The following ARHGAP10 variants were observed in gnomAD, a reference collection of about 807,000 sequenced individuals.
ARHGAP10 encodes Rho GTPase activating protein 10.
ARHGAP10 carries 87 observed loss-of-function variants against 108.6 expected under a neutral mutation model. That is an observed-to-expected ratio of 0.80 (90% confidence interval 0.67 to 0.96). ARHGAP10 has a LOEUF of 0.96. ARHGAP10 is among the 40% of genes least tolerant of loss of function. The pLI, the probability that ARHGAP10 is intolerant of heterozygous loss-of-function variation, is 0.00. For missense variants in ARHGAP10, 939 were observed against 954.5 expected, an observed-to-expected ratio of 0.98 and a Z score of 0.21; for synonymous variants, 347 against 341.1, an observed-to-expected ratio of 1.02 and a Z score of -0.19.
chr4:147,904,484 T>A (rs1021415841), intron 10 of ARHGAP10, among the ~76,000 whole-genome samples: 4 of 151,838 alleles, frequency 2.6e-5, no homozygotes, highest in African/African-American at 7.3e-5. Context: ...CATGCAGTGT[T>A]TGGTTTTTTG....
intron 18 of ARHGAP10, among the ~76,000 whole-genome samples, chr4:148,020,927 T>A (rs1181761387): frequency 6.6e-6 from 1 of 152,228 alleles, no homozygotes; most frequent in African/African-American, 2.4e-5. Flanking sequence ...TCTGGTGTTT[T>A]GATTTTGACT....
At chr4:147,906,489 T>G in intron 10 of ARHGAP10, 149 bp from the exon 11 acceptor site, 1 of 687,456 alleles carries the variant, frequency 1.5e-6, no homozygotes, top group South Asian at 2.1e-5. Flanking sequence ...AACTCTACAC[T>G]TAAAAATCGT....
At chr4:147,849,236 CTT>C (rs536088589) in intron 4 of ARHGAP10, among the ~76,000 whole-genome samples, 8,188 of 138,010 alleles carry the variant, frequency 0.059, 701 homozygotes, top group African/African-American at 0.2. Context: ...AAAGACTCTG[CTT>C]TTTTTTTTTT....
chr4:147,847,130 G>T, intron 3 of ARHGAP10, 21 bp from the exon 4 acceptor site: 1 of 1,600,382 alleles, frequency 6.2e-7, no homozygotes. Context: ...GTGCTCTTTT[G>T]TTATCACTCT....
intron 18 of ARHGAP10, among the ~76,000 whole-genome samples, chr4:148,008,753 G>A (rs1213250102): frequency 6.6e-6 from 1 of 152,066 alleles, no homozygotes; most frequent in Non-Finnish European, 1.5e-5. Context: ...TCAGGGTTCT[G>A]TGAGGTGAGA....
intron 1 of ARHGAP10, among the ~76,000 whole-genome samples, chr4:147,768,282 G>A (rs1187143896): frequency 6.6e-6 from 1 of 152,156 alleles, no homozygotes; most frequent in Non-Finnish European, 1.5e-5. Flanking sequence ...GTGTCAGGCT[G>A]AATGAATCAT....
At chr4:148,000,930 A>T (rs1234368220) in intron 18 of ARHGAP10, among the ~76,000 whole-genome samples, 1 of 152,164 alleles carries the variant, frequency 6.6e-6, no homozygotes, top group Non-Finnish European at 1.5e-5. Flanking sequence ...CTTTAGTTTA[A>T]TTAGATCCCA....
intron 10 of ARHGAP10, among the ~76,000 whole-genome samples, chr4:147,897,085 A>C (rs1253317977): frequency 6.6e-6 from 1 of 152,040 alleles, no homozygotes; most frequent in Non-Finnish European, 1.5e-5. Context: ...ATATAGCTAC[A>C]CTTGCTTTCT....
chr4:147,764,485 T>TA (rs113805482), intron 1 of ARHGAP10, among the ~76,000 whole-genome samples: 7,366 of 142,202 alleles, frequency 0.052, 222 homozygotes, highest in African/African-American at 0.085. Flanking sequence ...GACTTTGAGG[T>TA]AAAAAAAAAA....
intron 18 of ARHGAP10, among the ~76,000 whole-genome samples, chr4:147,977,733 G>A (rs1379060009): frequency 6.6e-6 from 1 of 152,008 alleles, no homozygotes; most frequent in Non-Finnish European, 1.5e-5. Context: ...TGTTGAAGTT[G>A]GAGCTTTGAT....
chr4:148,048,296 G>A (rs1292723211), intron 20 of ARHGAP10, among the ~76,000 whole-genome samples: 1 of 152,180 alleles, frequency 6.6e-6, no homozygotes, highest in African/African-American at 2.4e-5. Flanking sequence ...TGAAATGATT[G>A]TGAACTTATT....
At chr4:147,955,158 C>T (rs115258579) in intron 15 of ARHGAP10, among the ~76,000 whole-genome samples, 158 bp from the exon 16 acceptor site, 552 of 152,074 alleles carry the variant, frequency 3.6e-3, no homozygotes, top group Non-Finnish European at 5.9e-3. Flanking sequence ...ATAAAGTGAT[C>T]CGTTTATGTA....
At chr4:148,000,839 T>C (rs1177477529) in intron 18 of ARHGAP10, among the ~76,000 whole-genome samples, 1 of 152,222 alleles carries the variant, frequency 6.6e-6, no homozygotes, top group Admixed American at 6.5e-5. Context: ...CTTTGTCAGA[T>C]GAGTAGATTG....
chr4:147,894,019 A>G (rs1464986575), intron 10 of ARHGAP10, among the ~76,000 whole-genome samples: 1 of 152,228 alleles, frequency 6.6e-6, no homozygotes, highest in Non-Finnish European at 1.5e-5. Context: ...TGTATGCTGA[A>G]GGATACTGGA....
chr4:148,038,707 C>T (rs1728488673), intron 19 of ARHGAP10, among the ~76,000 whole-genome samples: 1 of 152,088 alleles, frequency 6.6e-6, no homozygotes, highest in Non-Finnish European at 1.5e-5. Flanking sequence ...ATAGAAAATG[C>T]AGGGTGACAG....
At chr4:147,831,037 C>G (rs1214113408) in intron 3 of ARHGAP10, among the ~76,000 whole-genome samples, 1 of 152,202 alleles carries the variant, frequency 6.6e-6, no homozygotes, top group Non-Finnish European at 1.5e-5. Flanking sequence ...TGCACATTCT[C>G]AGGCCCACCC....
chr4:148,023,449 G>T (rs1353074918), intron 19 of ARHGAP10, 36 bp downstream of exon 19: 1 of 1,601,324 alleles, frequency 6.2e-7, no homozygotes, highest in East Asian at 2.2e-5. Flanking sequence ...TTGATAGCAT[G>T]TTGAGAGTAT....
At chr4:147,881,700 G>C in intron 9 of ARHGAP10, 138 bp from the exon 10 acceptor site, 1 of 598,046 alleles carries the variant, frequency 1.7e-6, no homozygotes, top group Non-Finnish European at 2.9e-6. Context: ...ATTTAAATAA[G>C]CCAGTTTGAA....
At chr4:147,997,022 G>A (rs991734971) in intron 18 of ARHGAP10, among the ~76,000 whole-genome samples, 5 of 152,178 alleles carry the variant, frequency 3.3e-5, no homozygotes, top group African/African-American at 9.7e-5. Context: ...AGCCCCAGCC[G>A]ACTAATAACC....
Sources: gnomAD v4.1 joint callset for allele counts (sites outside exome capture counted in the v4.1 genomes callset) on GRCh38, gnomAD v4.1.1 for gene constraint, MANE v1.5 for transcripts, NCBI Gene and HGNC (gene_info 2026-07-23, HGNC 2026-07-21) for gene names.